CDH18: variants seen among roughly 807,000 people sequenced by gnomAD.
CDH18 encodes cadherin 18.
In CDH18, 31 loss-of-function variants were observed where a neutral mutation model predicts 67.9. The observed-to-expected ratio is 0.46, with a 90% confidence interval of 0.34 to 0.62. The LOEUF (loss-of-function observed/expected upper bound fraction) is 0.62. CDH18 is among the 20% of genes least tolerant of loss of function. The pLI, the probability that CDH18 is intolerant of heterozygous loss-of-function variation, is 0.01. For missense variants in CDH18, 890 were observed against 975.5 expected, an observed-to-expected ratio of 0.91 and a Z score of 1.17; for synonymous variants, 362 against 347.2, an observed-to-expected ratio of 1.04 and a Z score of -0.48.
intron 2 of CDH18, among the ~76,000 whole-genome samples, chr5:20,225,338 T>G (rs1741534176): frequency 6.6e-6 from 1 of 152,144 alleles, no homozygotes; most frequent in Non-Finnish European, 1.5e-5. Context: ...ACAAAATCCC[T>G]GAGATAAAGT....
chr5:20,300,463 G>A (rs149968758), intron 1 of CDH18, among the ~76,000 whole-genome samples: 1,659 of 152,020 alleles, frequency 0.011, 33 homozygotes, highest in African/African-American at 0.038. Flanking sequence ...ACTAGGTTTG[G>A]GGAAGACAAT....
intron 5 of CDH18, among the ~76,000 whole-genome samples, chr5:19,614,283 C>A (rs1749476836): frequency 6.6e-6 from 1 of 151,048 alleles, no homozygotes; most frequent in Non-Finnish European, 1.5e-5. Flanking sequence ...AAAGAAGATC[C>A]CATAACTTTC....
At chr5:20,371,064 C>T (rs972318736) in intron 1 of CDH18, among the ~76,000 whole-genome samples, 5 of 151,000 alleles carry the variant, frequency 3.3e-5, no homozygotes, top group Admixed American at 3.3e-4. Flanking sequence ...GGCATCAGTC[C>T]AGCCAATGTA....
chr5:20,298,366 T>C (rs571617833), intron 1 of CDH18, among the ~76,000 whole-genome samples: 100 of 152,268 alleles, frequency 6.6e-4, no homozygotes, highest in Non-Finnish European at 1.3e-3. Context: ...CCAACTTAAT[T>C]TTTAGTGACT....
intron 2 of CDH18, among the ~76,000 whole-genome samples, chr5:19,978,656 C>G (rs976049207): frequency 6.6e-6 from 1 of 152,084 alleles, no homozygotes; most frequent in African/African-American, 2.4e-5. Context: ...GGGGAGAATC[C>G]ATTTCCTTTG....
intron 1 of CDH18, among the ~76,000 whole-genome samples, chr5:20,440,229 T>C (rs996618110): frequency 6.6e-6 from 1 of 151,790 alleles, no homozygotes; most frequent in Non-Finnish European, 1.5e-5. Context: ...ACTGAGGCCA[T>C]GATCTGACTT....
chr5:19,735,321 T>C (rs56193624), intron 4 of CDH18, among the ~76,000 whole-genome samples: 36,014 of 151,804 alleles, frequency 0.24, 4,559 homozygotes, highest in Non-Finnish European at 0.26. Flanking sequence ...GCTGCTCTTA[T>C]ATCTCTTTGC....
intron 2 of CDH18, among the ~76,000 whole-genome samples, chr5:19,938,656 T>C (rs1372813725): frequency 6.6e-6 from 1 of 151,466 alleles, no homozygotes; most frequent in Non-Finnish European, 1.5e-5. Flanking sequence ...GAAATAACTA[T>C]CAGGACATAA....
At chr5:20,345,197 ATAT>A (rs1237392045) in intron 1 of CDH18, among the ~76,000 whole-genome samples, 2 of 152,122 alleles carry the variant, frequency 1.3e-5, no homozygotes, top group East Asian at 3.9e-4. Flanking sequence ...GAGAGGTCAA[ATAT>A]TATTTGGAAT....
chr5:19,768,366 A>G (rs1042675094), intron 3 of CDH18, among the ~76,000 whole-genome samples: 2 of 152,208 alleles, frequency 1.3e-5, no homozygotes, highest in African/African-American at 4.8e-5. Flanking sequence ...AAGCTCTGAC[A>G]TATTTCAGAA....
Position 19,503,061 on chromosome 5 carries a change from G to A in CDH18, c.1561C>T (p.Pro521Ser), listed in dbSNP as rs781292767. 6.2e-7 allele frequency: 1 copy of A among 1,612,386 alleles called. No individual in the cohort carries two copies. The highest frequency in any genetic ancestry group is 8.5e-7 in the Non-Finnish European group (1 of 1,178,640). Residue 521 changes from proline to serine, a missense_variant, in exon 11 of 13, where the codon CCA becomes TCA. Transcript: ENST00000382275. ...ATDKDDFANG[P>S]RFNFFLDERL... ...TCATCAAGAAAGAAGTTAAACCTTG[G>A]TCCATTGGCAAAATCATCTTTATCA...
chr5:20,038,582 A>T (rs958026731), intron 2 of CDH18, among the ~76,000 whole-genome samples: 2 of 152,160 alleles, frequency 1.3e-5, no homozygotes, highest in Non-Finnish European at 2.9e-5. Flanking sequence ...AAACAACCCA[A>T]TGACAAAAGC....
chr5:20,556,237 A>G (rs895540939), intron 1 of CDH18, among the ~76,000 whole-genome samples: 1 of 152,184 alleles, frequency 6.6e-6, no homozygotes, highest in Non-Finnish European at 1.5e-5. Flanking sequence ...CTGACAGGCT[A>G]TAGGCTAAAA....
At chr5:19,966,918 A>G (rs956488919) in intron 2 of CDH18, among the ~76,000 whole-genome samples, 2 of 152,080 alleles carry the variant, frequency 1.3e-5, no homozygotes, top group East Asian at 1.9e-4. Flanking sequence ...TTGAATGTAC[A>G]TAATTGTTAA....
intron 4 of CDH18, among the ~76,000 whole-genome samples, chr5:19,740,583 C>A (rs1300663187): frequency 6.6e-6 from 1 of 151,958 alleles, no homozygotes; most frequent in Admixed American, 6.6e-5. Flanking sequence ...CTTTTTATTG[C>A]TAATTTTATG....
intron 1 of CDH18, among the ~76,000 whole-genome samples, chr5:20,477,601 A>AG (rs1477609749): frequency 6.6e-6 from 1 of 152,206 alleles, no homozygotes; most frequent in African/African-American, 2.4e-5. Flanking sequence ...CCCTAGACAG[A>AG]GGGGACTCTC....
chr5:20,302,194 T>C (rs746006188), intron 1 of CDH18, among the ~76,000 whole-genome samples: 2 of 152,168 alleles, frequency 1.3e-5, no homozygotes, highest in Non-Finnish European at 2.9e-5. Context: ...TTAAACATTT[T>C]AAAACATAAT....
chr5:19,648,820 T>C (rs1449895659), intron 5 of CDH18, among the ~76,000 whole-genome samples: 10 of 151,090 alleles, frequency 6.6e-5, no homozygotes, highest in Admixed American at 2.6e-4. Flanking sequence ...TTAAATTTTG[T>C]ATATGGAGAG....
At chr5:20,329,717 C>T (rs559461217) in intron 1 of CDH18, among the ~76,000 whole-genome samples, 3 of 134,824 alleles carry the variant, frequency 2.2e-5, no homozygotes, top group African/African-American at 8.4e-5. Context: ...TTGCAGTGAG[C>T]CAAGTTTGCG....
Sources: allele counts gnomAD v4.1 joint callset (sites outside exome capture counted in the v4.1 genomes callset), GRCh38; gene constraint gnomAD v4.1.1; transcripts MANE v1.5; gene names NCBI Gene and HGNC (gene_info 2026-07-23, HGNC 2026-07-21).